Variants in PDE4D observed in about 807,000 individuals in gnomAD.
PDE4D encodes the protein phosphodiesterase 4D.
In PDE4D, 24 loss-of-function variants were observed where a neutral mutation model predicts 87.4. The ratio of observed to expected loss-of-function variants is 0.27; its 90% CI spans 0.20 to 0.39. The LOEUF (loss-of-function observed/expected upper bound fraction) is 0.39, where lower values mean the gene tolerates loss of function less well. Among genes scored for constraint, PDE4D ranks in the 10% least tolerant of loss-of-function variants. The pLI, the probability that PDE4D is intolerant of heterozygous loss-of-function variation, is 1.00. For synonymous variants in PDE4D, 384 were observed against 383.2 expected (o/e 1.00, Z -0.02); for missense variants, 714 against 1,041.0 (o/e 0.69, Z 4.32).
chr5:59,766,452 C>T (rs552718049), intron 1 of PDE4D, among the ~76,000 whole-genome samples: 1 of 152,280 alleles, frequency 6.6e-6, no homozygotes, highest in South Asian at 2.1e-4. Context: ...AGAAGAAAGC[C>T]TATTTTCATG....
At chr5:60,020,096 C>T (rs1391762951) in intron 2 of PDE4D, among the ~76,000 whole-genome samples, 1 of 152,024 alleles carries the variant, frequency 6.6e-6, no homozygotes, top group African/African-American at 2.4e-5. Flanking sequence ...TGTTGTGTCT[C>T]AGAGAATAGG....
At chr5:59,779,448 A>G (rs759204938) in intron 1 of PDE4D, among the ~76,000 whole-genome samples, 4 of 152,214 alleles carry the variant, frequency 2.6e-5, no homozygotes, top group Non-Finnish European at 5.9e-5. Flanking sequence ...GAAATGAGAC[A>G]TGAAATTTTT....
At chr5:59,272,210 G>A (rs949515405) in intron 1 of PDE4D, among the ~76,000 whole-genome samples, 3 of 152,046 alleles carry the variant, frequency 2.0e-5, no homozygotes, top group Non-Finnish European at 2.9e-5. Flanking sequence ...AAAGAAAAAA[G>A]TCCACTTCCA....
rs538897466 is a variant in PDE4D, at chr5:59,119,625, G to A, written c.808+60970C>T. On this transcript the variant is annotated intron_variant, in intron 5 of 14. Coordinates refer to ENST00000340635, the MANE Select transcript of PDE4D (RefSeq NM_001104631.2). ...TATCATAAAGAAAGCTTAAAATATG[G>A]TGACTTTTACATCAGTAACACTATT... is the stretch of plus-strand genomic sequence containing the variant. Among the ~76,000 whole-genome samples the A allele has an allele frequency of 5.3e-5, 8 of 152,206 alleles. No individual in the cohort carries two copies. The East Asian group carries it at 1.5e-3, about 29-fold the overall frequency.
intron 2 of PDE4D, among the ~76,000 whole-genome samples, chr5:60,115,389 A>T (rs1211472987): frequency 6.6e-6 from 1 of 152,082 alleles, no homozygotes; most frequent in Non-Finnish European, 1.5e-5. Context: ...GGGTGTCATG[A>T]ACAAAAAATT....
chr5:60,291,908 A>T (rs1434633955), intron 1 of PDE4D, among the ~76,000 whole-genome samples: 2 of 152,210 alleles, frequency 1.3e-5, no homozygotes, highest in Non-Finnish European at 2.9e-5. Flanking sequence ...TGGGAAAATG[A>T]CCAATACAAT....
intron 1 of PDE4D, among the ~76,000 whole-genome samples, chr5:60,290,821 T>C (rs1050349892): frequency 2.0e-5 from 3 of 151,870 alleles, no homozygotes; most frequent in Non-Finnish European, 2.9e-5. Context: ...ATAAAAATAA[T>C]AATAACAAAT....
intron 1 of PDE4D, among the ~76,000 whole-genome samples, chr5:59,232,545 G>A (rs1339559135): frequency 6.6e-6 from 1 of 150,722 alleles, no homozygotes; most frequent in Non-Finnish European, 1.5e-5. Context: ...GTGAGGAAGT[G>A]GAGAAAAGGG....
chr5:60,499,013 T>C (rs1476625782), intron 1 of PDE4D, among the ~76,000 whole-genome samples: 1 of 152,186 alleles, frequency 6.6e-6, no homozygotes, highest in East Asian at 1.9e-4. Flanking sequence ...ATCATGAAAC[T>C]CTTACCAAAC....
At chr5:59,672,938 C>T (rs1747463626) in intron 1 of PDE4D, among the ~76,000 whole-genome samples, 1 of 152,160 alleles carries the variant, frequency 6.6e-6, no homozygotes, top group African/African-American at 2.4e-5. Context: ...AGTGTCTTAG[C>T]TGTATGAAAC....
At chr5:59,911,787 A>C (rs13162864) in intron 3 of PDE4D, among the ~76,000 whole-genome samples, 21,895 of 152,142 alleles carry the variant, frequency 0.14, 1,864 homozygotes, top group African/African-American at 0.24. Context: ...ATGTAACTGA[A>C]TGATCTTTTG....
intron 1 of PDE4D, among the ~76,000 whole-genome samples, chr5:59,473,655 T>C (rs998576592): frequency 6.6e-6 from 1 of 152,130 alleles, no homozygotes; most frequent in African/African-American, 2.4e-5. Flanking sequence ...GATTCCCAGA[T>C]GTTATTATTC....
intron 1 of PDE4D, among the ~76,000 whole-genome samples, chr5:60,408,553 A>G (rs1279626733): frequency 2.0e-5 from 3 of 152,198 alleles, no homozygotes; most frequent in Non-Finnish European, 4.4e-5. Flanking sequence ...TTGCCTGGAA[A>G]GTCTTGCCAG....
Position 59,221,135 on chromosome 5 carries a change from G to T in PDE4D, c.456-5167C>A, listed in dbSNP as rs1245388146. Among the ~76,000 whole-genome samples the T allele has an allele frequency of 2.0e-5, 3 of 152,220 alleles. No homozygotes were observed. The East Asian group carries it at 5.8e-4, about 29-fold the overall frequency. On this transcript the variant is annotated intron_variant, in intron 1 of 14. Coordinates refer to ENST00000340635, the MANE Select transcript of PDE4D (RefSeq NM_001104631.2). Reference sequence around the variant, plus strand: ...CAAGTGACTCTATGTTCAGTAGTATGCTCAAGCTCATAAGTGGGTTTTAAA... The same window carrying T: ...CAAGTGACTCTATGTTCAGTAGTATTCTCAAGCTCATAAGTGGGTTTTAAA...
chr5:59,236,043 C>T (rs921502957), intron 1 of PDE4D, among the ~76,000 whole-genome samples: 1 of 152,040 alleles, frequency 6.6e-6, no homozygotes, highest in African/African-American at 2.4e-5. Flanking sequence ...TCCAGGGGTC[C>T]ATGCACAGTT....
intron 1 of PDE4D, among the ~76,000 whole-genome samples, chr5:60,269,691 A>G (rs1425101296): frequency 6.6e-6 from 1 of 151,290 alleles, no homozygotes; most frequent in African/African-American, 2.4e-5. Flanking sequence ...CTGCTAAAAG[A>G]GTAGATCTCA....
chr5:59,697,563 A>C (rs1007342032), intron 1 of PDE4D, among the ~76,000 whole-genome samples: 1 of 152,214 alleles, frequency 6.6e-6, no homozygotes, highest in South Asian at 2.1e-4. Flanking sequence ...AAGCAAACCA[A>C]TGAACAAAGT....
chr5:59,524,871 G>A lies in PDE4D; in HGVS notation c.456-308903C>T, dbSNP rs1178729063. ...CTCAAGGCTTAGCAGCTTACACGTG[G>A]TGTTGGGCCTGCAGGTGCACAGAAG... is the stretch of plus-strand genomic sequence containing the variant. On this transcript the variant is annotated intron_variant, in intron 1 of 14. Transcript: ENST00000340635. 2.6e-5 allele frequency among the ~76,000 whole-genome samples: 4 copies of A among 152,324 alleles called. No homozygotes were observed. The East Asian group carries it at 7.7e-4, about 29-fold the overall frequency.
chr5:59,496,826 G>C (rs1014623877), intron 1 of PDE4D, among the ~76,000 whole-genome samples: 3 of 152,150 alleles, frequency 2.0e-5, no homozygotes, highest in African/African-American at 7.2e-5. Context: ...AACCGAGAGA[G>C]TGTGGGCTGA....
Sources: allele counts gnomAD v4.1 joint callset (sites outside exome capture counted in the v4.1 genomes callset), GRCh38; gene constraint gnomAD v4.1.1; transcripts MANE v1.5; gene names NCBI Gene and HGNC (gene_info 2026-07-23, HGNC 2026-07-21).